The following FAM78A variants were observed in gnomAD, a reference collection of about 807,000 sequenced individuals.
The protein encoded by FAM78A is family with sequence similarity 78 member A, also known as protein FAM78A.
A neutral mutation model predicts 22.6 loss-of-function variants in FAM78A; 12 were observed. The observed-to-expected ratio is 0.53, with a 90% CI of 0.34 to 0.86. The LOEUF is 0.86. FAM78A is among the 40% of genes least tolerant of loss of function. The pLI is 0.02. For missense variants in FAM78A, 322 were observed against 396.1 expected (o/e 0.81, Z 1.59); for synonymous variants, 151 against 155.8 (o/e 0.97, Z 0.23).
chr9:131,259,836 C>T lies in FAM78A; in HGVS notation c.*986G>A, dbSNP rs1835238759. On this transcript the variant is annotated 3_prime_UTR_variant, in exon 2 of 2. Coordinates refer to ENST00000372271, the MANE Select transcript of FAM78A (RefSeq NM_033387.4). ...GATGGAGAAGGAAAAAGCCACACAC[C>T]TGGAGGAAGGGCCAGGGACTCAACT... The T allele has an allele frequency of 6.5e-6, 1 of 152,826 alleles. No individual in the cohort carries two copies. Among genetic ancestry groups the T allele is most frequent in the Non-Finnish European group, 1.5e-5 (1 of 68,198 alleles). 9.5% of individuals were successfully genotyped at this position (152,826 alleles called of 1,614,324 possible). A position where few individuals can be genotyped will look rare whatever the true frequency, so the allele number is the denominator to read the frequency against.
At chr9:131,277,947 C>T (rs1374116857), upstream of FAM78A, among the ~76,000 whole-genome samples, 7 of 147,810 alleles carry the variant, frequency 4.7e-5, no homozygotes, top group Non-Finnish European at 1.1e-4. This position sits in a 1 kb window ranked among gnomAD's most constrained non-coding sequence, Gnocchi z 8.4. Flanking sequence ...GCCGGCCCGG[C>T]CCCCGCGTCC....
At position 131,274,840 on chromosome 9, in the gene FAM78A, G is replaced by A. The variant is rs936907821; in HGVS notation, c.323+1017C>T. On this transcript the variant is annotated intron_variant, in intron 1 of 1. Transcript: ENST00000372271. This position sits in a 1 kb window ranked among gnomAD's most constrained non-coding sequence, Gnocchi z 4.2. ...TCTGGGAGTGTCAGCGGCCAGTCAC[G>A]GGGCCACAGGGTAGACACTGAGAGA... 6.6e-5 allele frequency among the ~76,000 whole-genome samples: 10 copies of A among 151,650 alleles called. No individual in the cohort carries two copies. Among genetic ancestry groups the A allele is most frequent in the Admixed American group, 5.9e-4 (9 of 15,236 alleles).
intron 1 of FAM78A, among the ~76,000 whole-genome samples, chr9:131,271,691 C>T (rs1835423567): frequency 6.6e-6 from 1 of 152,258 alleles, no homozygotes; most frequent in South Asian, 2.1e-4. Flanking sequence ...CTGCCCCTGA[C>T]CTTGGCCTTG....
At position 131,272,918 on chromosome 9, in the gene FAM78A, A is replaced by G. The variant is rs150864720; in HGVS notation, c.323+2939T>C. ...TTGCACTCCAGCCTGGGCGACAAGA[A>G]TAAGACTCTGTCTCAAAAATAAATA... On this transcript the variant is annotated intron_variant, in intron 1 of 1. Coordinates refer to ENST00000372271, the MANE Select transcript of FAM78A (RefSeq NM_033387.4). This position sits in a 1 kb window ranked among gnomAD's most constrained non-coding sequence, Gnocchi z 4.1. Among the ~76,000 whole-genome samples, 106 of 152,294 alleles carry G rather than the reference A, an allele frequency of 7.0e-4. No individual in the cohort carries two copies. The highest frequency in any genetic ancestry group is 1.2e-3 in the Non-Finnish European group (80 of 68,032).
intron 1 of FAM78A, among the ~76,000 whole-genome samples, chr9:131,266,120 A>C (rs1835341067): frequency 6.6e-6 from 1 of 152,078 alleles, no homozygotes; most frequent in South Asian, 2.1e-4. Context: ...TCGCCCCTCC[A>C]GGCTGTGCCC....
rs1835474552 is a variant in FAM78A, at chr9:131,275,732, C to T, written c.323+125G>A. On this transcript the variant is annotated intron_variant, in intron 1 of 1. Transcript: ENST00000372271. The surrounding 1 kb of genome is among the most constrained non-coding windows in gnomAD (Gnocchi z 4.6). The stretch of plus-strand genomic sequence containing the variant: ...AGGCCACCTGCATACCTGCCTAAAG[C>T]TTCCCTCTGGCCTCCGTCCTGTCTT... 3.7e-6 allele frequency: 4 copies of T among 1,076,930 alleles called. No individual in the cohort carries two copies. Among genetic ancestry groups the T allele is most frequent in the Non-Finnish European group, 5.2e-6 (4 of 769,108 alleles). 66.7% of individuals were successfully genotyped at this position (1,076,930 alleles called of 1,614,324 possible).
intron 1 of FAM78A, among the ~76,000 whole-genome samples, chr9:131,263,249 A>G (rs1476029340): frequency 5.3e-5 from 8 of 150,986 alleles, no homozygotes; most frequent in Admixed American, 2.0e-4. Context: ...CAAAAAAAAA[A>G]AAAAAGAAAA....
chr9:131,260,618 G>A lies in FAM78A; in HGVS notation c.*204C>T. The A allele has an allele frequency of 3.8e-6, 2 of 531,028 alleles. No individual in the cohort carries two copies. Among genetic ancestry groups the A allele is most frequent in the African/African-American group, 3.9e-5 (2 of 51,704 alleles). The allele number at this position is 531,028 out of a possible 1,614,324, so 32.9% of individuals were successfully genotyped here. ...CTGAGGGCGCACGTGGGGTCTGTCT[G>A]TCCTGCTTAGATCTCCCCTCTCCCT... is the stretch of plus-strand genomic sequence containing the variant. On this transcript the variant is annotated 3_prime_UTR_variant, in exon 2 of 2. Transcript: ENST00000372271. The surrounding 1 kb of genome is among the most constrained non-coding windows in gnomAD (Gnocchi z 5.4).
chr9:131,276,027 G>A lies in FAM78A; in HGVS notation c.153C>T (p.Pro51=). The A allele has an allele frequency of 6.2e-7, 1 of 1,613,786 alleles. No homozygotes were observed. Among genetic ancestry groups the A allele is most frequent in the Non-Finnish European group, 8.5e-7 (1 of 1,180,034 alleles). Residue 51 remains proline, a synonymous_variant, in exon 1 of 2, where the codon CCC becomes CCT. Coordinates refer to ENST00000372271, the MANE Select transcript of FAM78A (RefSeq NM_033387.4). The surrounding 1 kb of genome is among the most constrained non-coding windows in gnomAD (Gnocchi z 4.3). ...IDVKASIDPV[P]TSIDESSSVV... ...CGCTGGAGGACTCATCGATGCTAGTGGGGACGGGGTCGATGGAGGCTTTCA... is the reference window on the plus strand; with the variant it reads ...CGCTGGAGGACTCATCGATGCTAGTAGGGACGGGGTCGATGGAGGCTTTCA...
Position 131,275,762 on chromosome 9 carries a change from G to T in FAM78A, c.323+95C>A. On this transcript the variant is annotated intron_variant, in intron 1 of 1. Coordinates refer to ENST00000372271, the MANE Select transcript of FAM78A (RefSeq NM_033387.4). The surrounding 1 kb of genome is among the most constrained non-coding windows in gnomAD (Gnocchi z 4.6). ...CTCTGGCCTCCGTCCTGTCTTCATG[G>T]TATCTCCACCTTCCCCCTATCCGCG... The T allele has an allele frequency of 7.6e-7, 1 of 1,319,452 alleles. No homozygotes were observed. The highest frequency in any genetic ancestry group is 2.5e-5 in the East Asian group (1 of 40,686). The allele number at this position is 1,319,452 out of a possible 1,614,324, so 81.7% of individuals were successfully genotyped here. A position where few individuals can be genotyped will look rare whatever the true frequency, so the allele number is the denominator to read the frequency against.
rs116496310 is a variant in FAM78A, at chr9:131,260,493, A to T, written c.*329T>A. The T allele has an allele frequency of 4.0e-3, 859 of 217,228 alleles. 8 individuals carry two copies. The highest frequency in any genetic ancestry group is 0.018 in the African/African-American group (811 of 43,926). 13.5% of individuals were successfully genotyped at this position (217,228 alleles called of 1,614,324 possible). On this transcript the variant is annotated 3_prime_UTR_variant, in exon 2 of 2. Coordinates refer to ENST00000372271, the MANE Select transcript of FAM78A (RefSeq NM_033387.4). The surrounding 1 kb of genome is among the most constrained non-coding windows in gnomAD (Gnocchi z 5.4). ...CCTGCCCCTGAGCCCCCAAAAGAGG[A>T]GTTTTTTTAAAAAACGGAAAAAGCA...
rs146559986 is a variant in FAM78A at position 131,267,772 on chromosome 9, G to T, written c.324-6422C>A. Among the ~76,000 whole-genome samples, 231 of 149,672 alleles carry T rather than the reference G, an allele frequency of 1.5e-3. 4 individuals are homozygous for T. Among genetic ancestry groups the T allele is most frequent in the African/African-American group, 5.1e-3 (205 of 40,588 alleles). On this transcript the variant is annotated intron_variant, in intron 1 of 1. Coordinates refer to ENST00000372271, the MANE Select transcript of FAM78A (RefSeq NM_033387.4). ...AAAGACTTGAGGCTCCAGGCCGGGC[G>T]CGGTGGCTCACGCCTGTAATCCCAG... is the stretch of plus-strand genomic sequence containing the variant.
intron 1 of FAM78A, among the ~76,000 whole-genome samples, chr9:131,269,942 C>T (rs972195890): frequency 6.6e-6 from 1 of 151,398 alleles, no homozygotes; most frequent in South Asian, 2.1e-4. Flanking sequence ...CACCTGTAAT[C>T]CCAGGACTTT....
rs1352800983 is a variant in FAM78A at position 131,275,785 on chromosome 9, G to A, written c.323+72C>T. On this transcript the variant is annotated intron_variant, in intron 1 of 1. Transcript: ENST00000372271. This position sits in a 1 kb window ranked among gnomAD's most constrained non-coding sequence, Gnocchi z 4.6. ...TGGTATCTCCACCTTCCCCCTATCC[G>A]CGGCCCCCCACCAGGCCTCCAAGCT... The A allele has an allele frequency of 1.4e-6, 2 of 1,463,296 alleles. No homozygotes were observed. The highest frequency in any genetic ancestry group is 2.2e-5 in the Admixed American group (1 of 44,480). 90.6% of individuals were successfully genotyped at this position (1,463,296 alleles called of 1,614,324 possible). A position where few individuals can be genotyped will look rare whatever the true frequency, so the allele number is the denominator to read the frequency against.
chr9:131,261,514 G>A lies in FAM78A; in HGVS notation c.324-164C>T, dbSNP rs948490442. ...GGGGCAGGGGGTCAGACAGTAGCTC[G>A]GAGTCACTGTCATCACTGCTGCTGT... On this transcript the variant is annotated intron_variant, in intron 1 of 1. Coordinates refer to ENST00000372271, the MANE Select transcript of FAM78A (RefSeq NM_033387.4). This position sits in a 1 kb window ranked among gnomAD's most constrained non-coding sequence, Gnocchi z 7.1. Among the ~76,000 whole-genome samples, 3 of 152,082 alleles carry A rather than the reference G, an allele frequency of 2.0e-5. No individual in the cohort carries two copies. Among genetic ancestry groups the A allele is most frequent in the African/African-American group, 7.2e-5 (3 of 41,422 alleles).
At chr9:131,268,974 T>C (rs1588199044) in intron 1 of FAM78A, among the ~76,000 whole-genome samples, 1 of 146,684 alleles carries the variant, frequency 6.8e-6, no homozygotes, top group Non-Finnish European at 1.5e-5. Context: ...CAGAGGAAGG[T>C]GGATTGCTTG....
intron 1 of FAM78A, among the ~76,000 whole-genome samples, chr9:131,262,174 G>GA (rs1193582996): frequency 2.0e-5 from 3 of 151,600 alleles, no homozygotes; most frequent in Non-Finnish European, 4.4e-5. Flanking sequence ...AAAAAAAATA[G>GA]AAAAAATTAG....
At chr9:131,262,202 C>T (rs905109630) in intron 1 of FAM78A, among the ~76,000 whole-genome samples, 4 of 151,402 alleles carry the variant, frequency 2.6e-5, no homozygotes, top group South Asian at 2.1e-4. Context: ...TGGTGACATG[C>T]GCCTGTAGTC....
rs772377784 is a variant in FAM78A at position 131,260,990 on chromosome 9, G to A, written c.684C>T (p.Arg228=). 107 of 1,613,424 alleles carry A rather than the reference G, an allele frequency of 6.6e-5. No individual in the cohort carries two copies. The highest frequency in any genetic ancestry group is 8.3e-5 in the Non-Finnish European group (98 of 1,179,820). The change falls in exon 2 of 2, where the codon CGC becomes CGT. Residue 228 remains arginine, a synonymous_variant. Transcript: ENST00000372271. The surrounding 1 kb of genome is among the most constrained non-coding windows in gnomAD (Gnocchi z 5.4). ...EVNPNRPLGQ[R]ARLREPIAQD... ...GGGCGATGGGCTCCCGCAGCCGGGC[G>A]CGCTGGCCCAGGGGCCGGTTGGGGT... is the stretch of plus-strand genomic sequence containing the variant.
Sources: allele counts gnomAD v4.1 joint callset (sites outside exome capture counted in the v4.1 genomes callset), GRCh38; gene constraint gnomAD v4.1.1; non-coding constraint Gnocchi (gnomAD v3.1); transcripts MANE v1.5; gene names NCBI Gene and HGNC (gene_info 2026-07-23, HGNC 2026-07-21).